ZMIZ1: variants seen among roughly 807,000 people sequenced by gnomAD.
The protein encoded by ZMIZ1 is zinc finger MIZ domain-containing protein 1.
ZMIZ1 carries 17 observed loss-of-function variants against 113.9 expected under a neutral mutation model. That is an observed-to-expected ratio of 0.15 (90% confidence interval 0.10 to 0.22). The LOEUF is 0.22. Among genes scored for constraint, ZMIZ1 ranks in the 10% least tolerant of loss-of-function variants. The pLI is 1.00. For missense variants in ZMIZ1, 1,059 were observed against 1,477.8 expected (o/e 0.72, Z 4.65); for synonymous variants, 607 against 603.1 (o/e 1.01, Z -0.09).
intron 5 of ZMIZ1, among the ~76,000 whole-genome samples, chr10:79,205,278 G>T (rs1285857231): frequency 6.6e-6 from 1 of 152,298 alleles, no homozygotes; most frequent in South Asian, 2.1e-4. Flanking sequence ...CCCATCAACG[G>T]CTGGCCAAGC....
chr10:79,146,579 G>T (rs1009946467), intron 3 of ZMIZ1, among the ~76,000 whole-genome samples: 3 of 152,234 alleles, frequency 2.0e-5, no homozygotes, highest in Non-Finnish European at 4.4e-5. Flanking sequence ...TGGCCCCAAC[G>T]TTGGGCTTTG....
At chr10:79,201,432 T>A (rs1020037607) in intron 4 of ZMIZ1, among the ~76,000 whole-genome samples, 152 bp from the exon 5 acceptor site, 2 of 152,240 alleles carry the variant, frequency 1.3e-5, no homozygotes, top group Non-Finnish European at 2.9e-5. Context: ...TTTCCTGCCC[T>A]CAGCCCAGTG....
At chr10:79,164,114 G>A (rs1247983529) in intron 4 of ZMIZ1, among the ~76,000 whole-genome samples, 1 of 152,182 alleles carries the variant, frequency 6.6e-6, no homozygotes, top group Non-Finnish European at 1.5e-5. Context: ...TCAATACCTT[G>A]GTGTCCTAGA....
At chr10:79,177,245 A>G (rs542396922) in intron 4 of ZMIZ1, among the ~76,000 whole-genome samples, 1 of 152,214 alleles carries the variant, frequency 6.6e-6, no homozygotes, top group East Asian at 1.9e-4. Flanking sequence ...CACCGCCACA[A>G]AAACAGTGGA....
chr10:79,240,404 C>T (rs749193062), intron 7 of ZMIZ1, among the ~76,000 whole-genome samples: 2 of 152,114 alleles, frequency 1.3e-5, no homozygotes, highest in African/African-American at 2.4e-5. Flanking sequence ...AGTTGGAACT[C>T]GGAACAAGTG....
intron 4 of ZMIZ1, among the ~76,000 whole-genome samples, chr10:79,162,744 T>C (rs1265867853): frequency 6.6e-6 from 1 of 152,154 alleles, no homozygotes; most frequent in Admixed American, 6.5e-5. Context: ...GACATGTCAG[T>C]CCTTTTCCTC....
Position 79,264,566 on chromosome 10 carries a change from G to A in ZMIZ1, c.281-12615G>A, listed in dbSNP as rs576797628. Among the ~76,000 whole-genome samples the A allele has an allele frequency of 3.6e-4, 55 of 152,322 alleles. No homozygotes were observed. The South Asian group carries it at 0.011, about 30-fold the overall frequency. On this transcript the variant is annotated intron_variant, in intron 7 of 24. Coordinates refer to ENST00000334512, the MANE Select transcript of ZMIZ1 (RefSeq NM_020338.4). ...TGCCGCCAGCAAATTTTTATCCCTA[G>A]GGTAAGATGACAGAGGCCAGCCTTG...
chr10:79,236,291 T>C (rs1849583922), intron 7 of ZMIZ1, among the ~76,000 whole-genome samples: 1 of 152,124 alleles, frequency 6.6e-6, no homozygotes, highest in Non-Finnish European at 1.5e-5. Flanking sequence ...CTGGGAAGCA[T>C]CAGGAACAGA....
chr10:79,270,650 G>A (rs1025609510), intron 7 of ZMIZ1, among the ~76,000 whole-genome samples: 1 of 152,180 alleles, frequency 6.6e-6, no homozygotes, highest in Non-Finnish European at 1.5e-5. Flanking sequence ...TCCTGGAGAC[G>A]CTACAAAGAC....
In ZMIZ1 at chr10:79,121,147, G is replaced by A. The variant is rs184175675; in HGVS notation, c.-227+2123G>A. ...TGTTGGAGCTGGGCTTCGGATCCAC[G>A]TCATCAGATGTGAACATTTATGCTC... On this transcript the variant is annotated intron_variant, in intron 2 of 24. Transcript: ENST00000334512. Among the ~76,000 whole-genome samples, 401 of 152,320 alleles carry A rather than the reference G, an allele frequency of 2.6e-3. 2 individuals carry two copies. Among genetic ancestry groups the A allele is most frequent in the African/African-American group, 9.0e-3 (376 of 41,576 alleles).
chr10:79,187,908 G>T (rs578140034), intron 4 of ZMIZ1, among the ~76,000 whole-genome samples: 29 of 152,182 alleles, frequency 1.9e-4, no homozygotes, highest in Non-Finnish European at 3.8e-4. Context: ...GCTTGGTTTT[G>T]TGTATAGTTA....
At chr10:79,260,620 C>T (rs1398279403) in intron 7 of ZMIZ1, among the ~76,000 whole-genome samples, 3 of 152,172 alleles carry the variant, frequency 2.0e-5, no homozygotes, top group Non-Finnish European at 4.4e-5. Context: ...TTTCAATGCA[C>T]GCCTTTTATT....
chr10:79,279,612 C>T (rs1217442435), intron 8 of ZMIZ1, among the ~76,000 whole-genome samples: 2 of 152,218 alleles, frequency 1.3e-5, no homozygotes, highest in African/African-American at 4.8e-5. Flanking sequence ...CCAAGGCAGG[C>T]AGCTGGGAGG....
At chr10:79,248,527 C>T (rs1043775311) in intron 7 of ZMIZ1, among the ~76,000 whole-genome samples, 1 of 152,154 alleles carries the variant, frequency 6.6e-6, no homozygotes. Flanking sequence ...AGGCAGGAAT[C>T]GGGCATAGAA....
chr10:79,253,701 G>A (rs567866742), intron 7 of ZMIZ1, among the ~76,000 whole-genome samples: 5 of 152,286 alleles, frequency 3.3e-5, no homozygotes, highest in South Asian at 2.1e-4. Context: ...GCCTGGCAGC[G>A]CCCTGGGGAA....
chr10:79,100,937 G>A (rs1376659084), intron 1 of ZMIZ1, among the ~76,000 whole-genome samples: 1 of 152,196 alleles, frequency 6.6e-6, no homozygotes, highest in Non-Finnish European at 1.5e-5. Context: ...CAGCACAGCT[G>A]GGCCAGGTGC....
At chr10:79,193,255 A>C (rs1281947046) in intron 4 of ZMIZ1, among the ~76,000 whole-genome samples, 3 of 152,230 alleles carry the variant, frequency 2.0e-5, no homozygotes, top group African/African-American at 7.2e-5. Flanking sequence ...TAGGTCTGCT[A>C]TTGCTACCTA....
rs1439450380 is a variant in ZMIZ1, at chr10:79,069,908, G to T, written c.-337+638G>T. Among the ~76,000 whole-genome samples the T allele has an allele frequency of 6.6e-6, 1 of 151,972 alleles. No individual in the cohort carries two copies. Among genetic ancestry groups the T allele is most frequent in the Non-Finnish European group, 1.5e-5 (1 of 67,968 alleles). On this transcript the variant is annotated intron_variant, in intron 1 of 24. Transcript: ENST00000334512. This position sits in a 1 kb window ranked among gnomAD's most constrained non-coding sequence, Gnocchi z 4.6. ...GAGAAACGCGGAGGTGTGTGTGCAGGGTTTTCTCCCAGGGCTTCGCAAGCC... is the reference window on the plus strand; with the variant it reads ...GAGAAACGCGGAGGTGTGTGTGCAGTGTTTTCTCCCAGGGCTTCGCAAGCC...
chr10:79,081,023 G>A (rs1346364055), intron 1 of ZMIZ1, among the ~76,000 whole-genome samples: 2 of 152,088 alleles, frequency 1.3e-5, no homozygotes, highest in African/African-American at 4.8e-5. Context: ...CCCCATCTAC[G>A]CTATCCCCAT....
Sources: gnomAD v4.1 joint callset for allele counts (sites outside exome capture counted in the v4.1 genomes callset) on GRCh38, gnomAD v4.1.1 for gene constraint, Gnocchi (gnomAD v3.1) non-coding constraint, MANE v1.5 for transcripts, NCBI Gene and HGNC (gene_info 2026-07-23, HGNC 2026-07-21) for gene names.